PCDH15: variants seen among roughly 807,000 people sequenced by gnomAD.
PCDH15 encodes protocadherin related 15, also known as protocadherin-15.
A neutral mutation model predicts 178.5 loss-of-function variants in PCDH15; 129 were observed. The ratio of observed to expected loss-of-function variants is 0.72; its 90% confidence interval spans 0.63 to 0.84. The LOEUF (loss-of-function observed/expected upper bound fraction) is 0.84. Among genes scored for constraint, PCDH15 ranks in the 40% least tolerant of loss-of-function variants. The pLI is 0.00. For synonymous variants in PCDH15, 800 were observed against 732.0 expected (o/e 1.09, Z -1.50); for missense variants, 2,230 against 2,099.9 (o/e 1.06, Z -1.21).
At chr10:54,792,797 T>A (rs1951546262) in intron 1 of PCDH15, among the ~76,000 whole-genome samples, 6 of 151,874 alleles carry the variant, frequency 4.0e-5, no homozygotes, top group African/African-American at 1.4e-4. Context: ...GTCACCTATC[T>A]AATTTCCTAT....
At chr10:54,399,629 C>A (rs973068089) in intron 3 of PCDH15, among the ~76,000 whole-genome samples, 1 of 152,058 alleles carries the variant, frequency 6.6e-6, no homozygotes, top group Non-Finnish European at 1.5e-5. Context: ...AGATGAGTCT[C>A]AAGTGAGTAT....
At chr10:53,886,600 T>C (rs2081117088) in intron 26 of PCDH15, among the ~76,000 whole-genome samples, 1 of 88,208 alleles carries the variant, frequency 1.1e-5, no homozygotes, top group Non-Finnish European at 2.2e-5. Context: ...TGCCTCTTTT[T>C]TTTTTTTTTT....
In PCDH15 at chr10:54,856,607, A is replaced by G. The variant is rs192914947; in HGVS notation, c.-29+40843T>C. Among the ~76,000 whole-genome samples, 79 of 152,260 alleles carry G rather than the reference A, an allele frequency of 5.2e-4. 1 individual carries two copies. The highest frequency in any genetic ancestry group is 9.7e-4 in the Non-Finnish European group (66 of 68,010). On this transcript the variant is annotated intron_variant, in intron 3 of 5. Transcript: ENST00000458638. ...CCACAAAGTTTATGCCCTGATATTT[A>G]CTGATCTCTATGTATTGACTTTTGA...
intron 2 of PCDH15, among the ~76,000 whole-genome samples, chr10:55,424,916 T>C (rs897732504): frequency 1.3e-5 from 2 of 151,904 alleles, no homozygotes; most frequent in African/African-American, 4.8e-5. Flanking sequence ...TATTAAAAAA[T>C]ATAATTATTT....
chr10:54,261,243 A>G (rs995629606), intron 8 of PCDH15, among the ~76,000 whole-genome samples: 2 of 152,166 alleles, frequency 1.3e-5, no homozygotes, highest in African/African-American at 4.8e-5. Flanking sequence ...TTAAAAATAT[A>G]CAGATTTAAC....
At chr10:55,580,360 A>AT (rs71017103) in intron 2 of PCDH15, among the ~76,000 whole-genome samples, 7,468 of 131,542 alleles carry the variant, frequency 0.057, 497 homozygotes, top group East Asian at 0.34. Flanking sequence ...TTATTTTTTT[A>AT]TTTTTTTTTT....
intron 2 of PCDH15, among the ~76,000 whole-genome samples, chr10:55,132,423 AAG>A (rs1295049156): frequency 6.6e-6 from 1 of 152,204 alleles, no homozygotes; most frequent in African/African-American, 2.4e-5. Context: ...TGCCTAATGT[AAG>A]AGAGTAGTAG....
intron 2 of PCDH15, among the ~76,000 whole-genome samples, chr10:55,381,379 C>T (rs182649106): frequency 6.6e-6 from 1 of 152,290 alleles, no homozygotes; most frequent in African/African-American, 2.4e-5. Context: ...GCCACTCTCT[C>T]TCTCCAGCAC....
chr10:54,277,259 G>A (rs1591545635), intron 8 of PCDH15, among the ~76,000 whole-genome samples: 4 of 151,714 alleles, frequency 2.6e-5, no homozygotes, highest in African/African-American at 9.6e-5. Context: ...TACGCTGACT[G>A]CTATTAGAAT....
At chr10:54,702,808 A>C (rs1319437034) in intron 1 of PCDH15, among the ~76,000 whole-genome samples, 1 of 152,076 alleles carries the variant, frequency 6.6e-6, no homozygotes, top group Non-Finnish European at 1.5e-5. Context: ...TTCTGCTGAA[A>C]CTATTCCAAA....
chr10:54,506,822 T>G (rs78654782), intron 3 of PCDH15, among the ~76,000 whole-genome samples: 3,904 of 152,132 alleles, frequency 0.026, 157 homozygotes, highest in African/African-American at 0.089. Context: ...TATATATAAT[T>G]TTCTGTGTTT....
At chr10:54,582,296 G>A (rs2091111210) in intron 2 of PCDH15, among the ~76,000 whole-genome samples, 1 of 151,984 alleles carries the variant, frequency 6.6e-6, no homozygotes, top group African/African-American at 2.4e-5. Flanking sequence ...CTCAAAAGAA[G>A]ACATACAAAC....
chr10:55,250,771 G>A (rs1043850816), intron 1 of PCDH15, among the ~76,000 whole-genome samples: 12 of 151,438 alleles, frequency 7.9e-5, no homozygotes, highest in Non-Finnish European at 1.5e-4. Context: ...TCCTGACCTC[G>A]TGATCCACCC....
chr10:54,546,828 C>T (rs1346249232), intron 2 of PCDH15, among the ~76,000 whole-genome samples: 1 of 152,174 alleles, frequency 6.6e-6, no homozygotes, highest in African/African-American at 2.4e-5. Context: ...ACACCTCCTT[C>T]AACACCGCAT....
intron 1 of PCDH15, among the ~76,000 whole-genome samples, chr10:54,664,819 A>G (rs1271662691): frequency 1.3e-5 from 2 of 151,756 alleles, no homozygotes. Flanking sequence ...ACTAAGGAAA[A>G]TCTGTCAATT....
chr10:54,833,388 A>C (rs1318306532), intron 3 of PCDH15, among the ~76,000 whole-genome samples: 3 of 152,214 alleles, frequency 2.0e-5, no homozygotes, highest in Non-Finnish European at 4.4e-5. Context: ...AGTAAAGCAG[A>C]TTACCCTCCA....
chr10:55,420,647 A>T (rs896778134), intron 2 of PCDH15, among the ~76,000 whole-genome samples: 1 of 151,730 alleles, frequency 6.6e-6, no homozygotes, highest in Non-Finnish European at 1.5e-5. Flanking sequence ...TCCACCGATT[A>T]ACATAAAAAT....
At chr10:53,981,081 C>A (rs575280553) in intron 21 of PCDH15, among the ~76,000 whole-genome samples, 6 of 152,076 alleles carry the variant, frequency 3.9e-5, no homozygotes, top group Non-Finnish European at 7.4e-5. Flanking sequence ...CAGACAAATC[C>A]TGCATTGGTG....
chr10:54,222,903 T>C (rs1207910130), intron 9 of PCDH15, among the ~76,000 whole-genome samples: 1 of 152,230 alleles, frequency 6.6e-6, no homozygotes, highest in Non-Finnish European at 1.5e-5. Context: ...TCTCCTTTTC[T>C]GTCAGTTCTT....
Sources: allele counts gnomAD v4.1 joint callset (sites outside exome capture counted in the v4.1 genomes callset), GRCh38; gene constraint gnomAD v4.1.1; transcripts MANE v1.5; gene names NCBI Gene and HGNC (gene_info 2026-07-23, HGNC 2026-07-21).